The following HECTD2 variants were observed in gnomAD, a reference collection of about 807,000 sequenced individuals.
HECTD2 encodes HECT domain E3 ubiquitin protein ligase 2, also known as probable E3 ubiquitin-protein ligase HECTD2.
A neutral mutation model predicts 103.2 loss-of-function variants in HECTD2; 35 were observed. The ratio of observed to expected loss-of-function variants is 0.34; its 90% CI spans 0.26 to 0.45. The LOEUF (loss-of-function observed/expected upper bound fraction) is 0.45, where lower values mean the gene tolerates loss of function less well. HECTD2 is among the 20% of genes least tolerant of loss of function. The pLI, the probability that HECTD2 is intolerant of heterozygous loss-of-function variation, is 1.00. For synonymous variants in HECTD2, 281 were observed against 329.9 expected, an observed-to-expected ratio of 0.85 and a Z score of 1.61; for missense variants, 596 against 937.4, an observed-to-expected ratio of 0.64 and a Z score of 4.76.
chr10:91,494,213 G>A (rs1472495315), intron 14 of HECTD2, among the ~76,000 whole-genome samples: 1 of 150,828 alleles, frequency 6.6e-6, no homozygotes, highest in Non-Finnish European at 1.5e-5. Context: ...GGGTGGGGGG[G>A]AATTCTTAAT....
chr10:91,444,690 A>ATTT (rs1293720780), intron 2 of HECTD2, among the ~76,000 whole-genome samples: 1 of 152,210 alleles, frequency 6.6e-6, no homozygotes, highest in Non-Finnish European at 1.5e-5. Context: ...TTCTTAAAAT[A>ATTT]TAATTCAAAA....
At chr10:91,493,346 C>G (rs1846547266) in intron 13 of HECTD2, 74 bp from the exon 14 acceptor site, 1 of 673,168 alleles carries the variant, frequency 1.5e-6, no homozygotes, top group Non-Finnish European at 2.4e-6. Context: ...GATGAGATGT[C>G]ATGTACATGT....
intron 2 of HECTD2, among the ~76,000 whole-genome samples, chr10:91,428,358 G>A (rs1187290579): frequency 2.0e-5 from 3 of 150,114 alleles, no homozygotes; most frequent in Non-Finnish European, 1.5e-5. Context: ...TTGGCGATGC[G>A]GGCTCTTTTT....
intron 4 of HECTD2, 70 bp from the exon 5 acceptor site, chr10:91,462,025 A>G: frequency 8.7e-7 from 1 of 1,146,566 alleles, no homozygotes; most frequent in Non-Finnish European, 1.3e-6. Context: ...AAGGAATAGT[A>G]TGGTTCAAAT....
chr10:91,418,089 G>A (rs986293174), intron 1 of HECTD2, among the ~76,000 whole-genome samples: 1 of 151,406 alleles, frequency 6.6e-6, no homozygotes, highest in African/African-American at 2.4e-5. Flanking sequence ...AAATTATTGA[G>A]ATTTTACCAA....
At chr10:91,450,621 A>G (rs572579620) in intron 2 of HECTD2, among the ~76,000 whole-genome samples, 24 of 152,226 alleles carry the variant, frequency 1.6e-4, no homozygotes, top group African/African-American at 5.5e-4. Flanking sequence ...TTTGCAATCT[A>G]TCCATCTGAC....
At position 91,485,226 on chromosome 10, in the gene HECTD2, T is replaced by A; in HGVS notation, c.1017T>A (p.Asp339Glu). 1 of 1,581,280 alleles carries A rather than the reference T, an allele frequency of 6.3e-7. No individual in the cohort carries two copies. Among genetic ancestry groups the A allele is most frequent in the Non-Finnish European group, 8.6e-7 (1 of 1,158,198 alleles). Residue 339 changes from aspartate (D) to glutamate (E), a missense_variant, in exon 10 of 21, where the codon GAT becomes GAA. By Grantham distance (45) the Asp-to-Glu change is conservative (BLOSUM62 2). Transcript: ENST00000298068. ...ACCCTCCCCTTATTCCTTATACTGA[T>A]TTCTATAATTCTACATTGGATCACA... ...LVHPPLIPYT[D>E]FYNSTLDHID...
At chr10:91,450,352 T>A (rs1220224270) in intron 2 of HECTD2, among the ~76,000 whole-genome samples, 1 of 152,162 alleles carries the variant, frequency 6.6e-6, no homozygotes, top group Non-Finnish European at 1.5e-5. Flanking sequence ...ACCCCTTCCT[T>A]ACACCTCATA....
intron 2 of HECTD2, among the ~76,000 whole-genome samples, chr10:91,432,745 C>T (rs558900320): frequency 1.3e-5 from 2 of 152,048 alleles, no homozygotes; most frequent in East Asian, 1.9e-4. Context: ...TGAGAGCAAG[C>T]TCATAGCCAG....
At chr10:91,458,941 A>AGGC (rs1307566606) in intron 2 of HECTD2, among the ~76,000 whole-genome samples, 1 of 152,036 alleles carries the variant, frequency 6.6e-6, no homozygotes, top group African/African-American at 2.4e-5. Context: ...ATGAAAAGAC[A>AGGC]GGCTACAAAG....
chr10:91,478,748 G>A (rs1845993000), intron 6 of HECTD2, among the ~76,000 whole-genome samples: 2 of 151,600 alleles, frequency 1.3e-5, no homozygotes, highest in South Asian at 4.2e-4. Context: ...GTAATGTTTT[G>A]AACCATGAAT....
intron 20 of HECTD2, among the ~76,000 whole-genome samples, chr10:91,504,418 A>G (rs1289159820): frequency 6.6e-6 from 1 of 151,838 alleles, no homozygotes; most frequent in Non-Finnish European, 1.5e-5. Context: ...TAACCAATAC[A>G]GAGAAGTGCT....
intron 20 of HECTD2, among the ~76,000 whole-genome samples, chr10:91,506,244 G>A (rs865869764): frequency 0.013 from 1,968 of 151,452 alleles, 23 homozygotes; most frequent in African/African-American, 0.045. Flanking sequence ...ACATTCAAAA[G>A]CTAGCAGAAG....
At chr10:91,452,656 C>T (rs1022205094) in intron 2 of HECTD2, among the ~76,000 whole-genome samples, 2 of 151,988 alleles carry the variant, frequency 1.3e-5, no homozygotes, top group African/African-American at 2.4e-5. Context: ...CCATGTGATG[C>T]CCTGCACCCC....
intron 12 of HECTD2, among the ~76,000 whole-genome samples, chr10:91,491,724 C>T (rs1846487111): frequency 6.6e-6 from 1 of 152,074 alleles, no homozygotes; most frequent in African/African-American, 2.4e-5. Context: ...TATATTGGGT[C>T]TATACAGGTT....
rs1375162149 is a variant in HECTD2 at position 91,410,430 on chromosome 10, C to T, written c.-9C>T. 3 of 1,390,726 alleles carry T rather than the reference C, an allele frequency of 2.2e-6. No homozygotes were observed. Among genetic ancestry groups the T allele is most frequent in the South Asian group, 1.5e-5 (1 of 64,560 alleles). 86.1% of individuals were successfully genotyped at this position (1,390,726 alleles called of 1,614,324 possible). ...GCCGCCGCCTGGCGCTCCCGCCGCC[C>T]GGCCCGACATGAGTGAGGCGGTTCG... On this transcript the variant is annotated 5_prime_UTR_variant, in exon 1 of 21. Transcript: ENST00000298068.
At chr10:91,456,864 T>C (rs1845121896) in intron 2 of HECTD2, among the ~76,000 whole-genome samples, 2 of 151,898 alleles carry the variant, frequency 1.3e-5, no homozygotes, top group South Asian at 4.1e-4. Flanking sequence ...TCAGTGAAAC[T>C]GAAAACAGAA....
chr10:91,449,355 TA>T (rs1240811094), intron 2 of HECTD2, among the ~76,000 whole-genome samples: 1 of 152,180 alleles, frequency 6.6e-6, no homozygotes, highest in Non-Finnish European at 1.5e-5. Flanking sequence ...TTTTTTATAC[TA>T]AAATCTCTCA....
chr10:91,439,271 T>G (rs1414507104), intron 2 of HECTD2, among the ~76,000 whole-genome samples: 1 of 151,962 alleles, frequency 6.6e-6, no homozygotes, highest in East Asian at 1.9e-4. Context: ...TAAGGAAGGA[T>G]TCCAGTTTCA....
Sources: gnomAD v4.1 joint callset for allele counts (sites outside exome capture counted in the v4.1 genomes callset) on GRCh38, gnomAD v4.1.1 for gene constraint, MANE v1.5 for transcripts, NCBI Gene and HGNC (gene_info 2026-07-23, HGNC 2026-07-21) for gene names.